The following PPP6R3 variants were observed in gnomAD, a reference collection of about 807,000 sequenced individuals.
PPP6R3 encodes serine/threonine-protein phosphatase 6 regulatory subunit 3.
PPP6R3 carries 38 observed loss-of-function variants against 110.7 expected under a neutral mutation model. The observed-to-expected ratio is 0.34, with a 90% confidence interval of 0.26 to 0.45. The LOEUF (loss-of-function observed/expected upper bound fraction) is 0.45, where lower values mean the gene tolerates loss of function less well. Ranked by LOEUF, PPP6R3 falls within the 20% of genes least tolerant of loss-of-function variation. The probability of loss-of-function intolerance (pLI) is 1.00; values close to 1 mark genes in which losing one functional copy is unlikely to be tolerated. For synonymous variants in PPP6R3, 369 were observed against 373.5 expected (o/e 0.99, Z 0.14); for missense variants, 870 against 1,062.4 (o/e 0.82, Z 2.52).
chr11:68,479,204 G>A lies in PPP6R3; in HGVS notation c.-158+18377G>A, dbSNP rs373660098. 7.2e-5 allele frequency among the ~76,000 whole-genome samples: 11 copies of A among 152,222 alleles called. No individual in the cohort carries two copies. In the East Asian group the frequency reaches 1.9e-3, roughly 27 times the overall value. On this transcript the variant is annotated intron_variant, in intron 1 of 23. Coordinates refer to ENST00000393800, the MANE Select transcript of PPP6R3 (RefSeq NM_001164161.2). ...CATTAATACAATTAAAAAATAATGC[G>A]TGGAGGGTAACTAAGCAGCATAGTT...
chr11:68,513,520 A>T (rs2099121062), intron 1 of PPP6R3, among the ~76,000 whole-genome samples: 1 of 152,250 alleles, frequency 6.6e-6, no homozygotes, highest in African/African-American at 2.4e-5. Context: ...TGAAACAGAC[A>T]GCATGTACTT....
intron 13 of PPP6R3, among the ~76,000 whole-genome samples, chr11:68,574,837 T>G (rs2099524334): frequency 6.6e-6 from 1 of 152,196 alleles, no homozygotes; most frequent in South Asian, 2.1e-4. Context: ...GTACTCTGGG[T>G]TTTTGTACCA....
chr11:68,470,688 G>A (rs1000151068), intron 1 of PPP6R3, among the ~76,000 whole-genome samples: 9 of 152,136 alleles, frequency 5.9e-5, no homozygotes, highest in African/African-American at 2.2e-4. Context: ...GGGGAGCAGG[G>A]GTGGGAGTGA....
intron 1 of PPP6R3, among the ~76,000 whole-genome samples, chr11:68,480,266 G>A (rs986760651): frequency 6.6e-6 from 1 of 152,084 alleles, no homozygotes; most frequent in Non-Finnish European, 1.5e-5. Flanking sequence ...ATTTCCTCTT[G>A]TGTTTGCTGT....
At chr11:68,611,485 C>T (rs1020953705) in intron 23 of PPP6R3, among the ~76,000 whole-genome samples, 3 of 152,164 alleles carry the variant, frequency 2.0e-5, no homozygotes, top group East Asian at 3.8e-4. Flanking sequence ...CCTAACCTGC[C>T]GGGCCAAGGG....
chr11:68,582,802 C>T (rs762014215), intron 14 of PPP6R3, among the ~76,000 whole-genome samples: 4 of 152,072 alleles, frequency 2.6e-5, no homozygotes, highest in South Asian at 2.1e-4. Flanking sequence ...TGTTTTCTGG[C>T]GATGTCAGTA....
At chr11:68,599,156 T>G (rs1013692159) in intron 19 of PPP6R3, among the ~76,000 whole-genome samples, 6 of 152,166 alleles carry the variant, frequency 3.9e-5, no homozygotes, top group African/African-American at 1.4e-4. Flanking sequence ...TATACCAGTT[T>G]CCCTAGCATT....
At chr11:68,553,215 CT>C (rs2099387564) in intron 6 of PPP6R3, among the ~76,000 whole-genome samples, 1 of 151,692 alleles carries the variant, frequency 6.6e-6, no homozygotes, top group Non-Finnish European at 1.5e-5. Context: ...TAGAGCTTTT[CT>C]GTAAGGTCAA....
chr11:68,502,883 T>G (rs2099055492), intron 1 of PPP6R3, among the ~76,000 whole-genome samples: 1 of 152,210 alleles, frequency 6.6e-6, no homozygotes, highest in Admixed American at 6.5e-5. Context: ...GTGTTTGAAA[T>G]GCCATGATGG....
At chr11:68,528,758 A>G (rs2099217348) in intron 2 of PPP6R3, among the ~76,000 whole-genome samples, 1 of 152,178 alleles carries the variant, frequency 6.6e-6, no homozygotes, top group South Asian at 2.1e-4. Context: ...TGCAGCTTTC[A>G]GCATGCCTGG....
At chr11:68,497,102 A>G (rs1298771528) in intron 1 of PPP6R3, among the ~76,000 whole-genome samples, 2 of 150,696 alleles carry the variant, frequency 1.3e-5, no homozygotes, top group African/African-American at 4.9e-5. Flanking sequence ...GCGGGAGTGC[A>G]GTGGTGCGAT....
Position 68,567,127 on chromosome 11 carries a change from T to C in PPP6R3, c.1089T>C (p.Asn363=), listed in dbSNP as rs2153752070. The C allele has an allele frequency of 3.2e-6, 5 of 1,551,256 alleles. No homozygotes were observed. In the East Asian group the frequency reaches 1.2e-4, roughly 38 times the overall value. Residue 363 remains asparagine, a synonymous_variant, in exon 10 of 24, where the codon AAT becomes AAC. Transcript: ENST00000393800. The part of the protein sequence containing the change: ...SLLQTNTSSI[N]GDLMELNSIG... Reference sequence around the variant, plus strand: ...TTCAAACCAATACCAGCAGTATAAATGGGGACCTTATGGAGCTGAATAGCA... The same window carrying C: ...TTCAAACCAATACCAGCAGTATAAACGGGGACCTTATGGAGCTGAATAGCA...
chr11:68,598,519 A>G (rs1196883464), intron 19 of PPP6R3, among the ~76,000 whole-genome samples: 2 of 152,130 alleles, frequency 1.3e-5, no homozygotes, highest in Non-Finnish European at 2.9e-5. Flanking sequence ...CAGCTTTTGC[A>G]TCTTCAGATC....
intron 1 of PPP6R3, among the ~76,000 whole-genome samples, chr11:68,510,820 T>C (rs1565507399): frequency 6.6e-6 from 1 of 152,204 alleles, no homozygotes; most frequent in East Asian, 1.9e-4. Context: ...TTTACCTCCA[T>C]ATGTCTGAAG....
Position 68,596,083 on chromosome 11 carries a change from T to C in PPP6R3, c.1917-14T>C. On this transcript the variant is annotated splice_polypyrimidine_tract_variant and intron_variant, in intron 18 of 23. Transcript: ENST00000393800. ...ATAAGCAGTGTTAAATACTTGGGTC[T>C]TGTTTTTCCTTAGCTCGGGGAGTAC... The C allele has an allele frequency of 6.2e-7, 1 of 1,614,144 alleles. No homozygotes were observed. Among genetic ancestry groups the C allele is most frequent in the East Asian group, 2.2e-5 (1 of 44,884 alleles).
intron 7 of PPP6R3, among the ~76,000 whole-genome samples, chr11:68,554,589 T>C (rs1448413072): frequency 6.6e-6 from 1 of 152,244 alleles, no homozygotes; most frequent in East Asian, 1.9e-4. Flanking sequence ...CTTGTGTAAG[T>C]ACGAATGTTG....
chr11:68,535,595 T>A (rs372368587), intron 2 of PPP6R3: 1 of 151,984 alleles, frequency 6.6e-6, no homozygotes, highest in South Asian at 2.1e-4. Context: ...AAGGAAGACT[T>A]TTATAACACC....
intron 1 of PPP6R3, among the ~76,000 whole-genome samples, chr11:68,482,154 G>C (rs2098918119): frequency 2.0e-5 from 3 of 149,276 alleles, no homozygotes; most frequent in African/African-American, 7.5e-5. Context: ...GGGAGGCCGA[G>C]GCAAGCAGAT....
intron 1 of PPP6R3, among the ~76,000 whole-genome samples, chr11:68,501,388 C>T (rs1302590393): frequency 6.6e-6 from 1 of 152,186 alleles, no homozygotes; most frequent in African/African-American, 2.4e-5. Flanking sequence ...AGGGCAGTGG[C>T]GGGATCTCGG....
Sources: gnomAD v4.1 joint callset for allele counts (sites outside exome capture counted in the v4.1 genomes callset) on GRCh38, gnomAD v4.1.1 for gene constraint, MANE v1.5 for transcripts, NCBI Gene and HGNC (gene_info 2026-07-23, HGNC 2026-07-21) for gene names.